Variants in NFATC3 observed in about 807,000 individuals in gnomAD.
NFATC3 encodes the protein nuclear factor of activated T cells 3.
NFATC3 carries 46 observed loss-of-function variants against 98.6 expected under a neutral mutation model. That is an observed-to-expected ratio of 0.47 (90% CI 0.37 to 0.60). The LOEUF (loss-of-function observed/expected upper bound fraction) is 0.60. NFATC3 is among the 20% of genes least tolerant of loss of function. The pLI, the probability that NFATC3 is intolerant of heterozygous loss-of-function variation, is 0.00. For missense variants in NFATC3, 1,256 were observed against 1,295.5 expected (o/e 0.97, Z 0.47); for synonymous variants, 512 against 472.2 (o/e 1.08, Z -1.09).
intron 5 of NFATC3, 119 bp from the exon 6 acceptor site, chr16:68,174,255 G>C: frequency 1.4e-6 from 1 of 730,760 alleles, no homozygotes; most frequent in Non-Finnish European, 2.0e-6. Flanking sequence ...AAGCCTAAAT[G>C]AATCCCAAAA....
rs751600033 is a variant in NFATC3, at chr16:68,122,703, C to T, written c.820C>T (p.Arg274Trp). The T allele has an allele frequency of 6.2e-6, 10 of 1,614,174 alleles. No individual in the cohort carries two copies. The highest frequency in any genetic ancestry group is 2.7e-5 in the African/African-American group (2 of 75,056). Reference sequence around the variant, plus strand: ...AAGGCCCACATCCCCCTGTGGGAAACGGAGGCACTCCAGTGCTGAAGTTTG... The same window carrying T: ...AAGGCCCACATCCCCCTGTGGGAAATGGAGGCACTCCAGTGCTGAAGTTTG... ...SSRPTSPCGKRRHSSAEVCYA... is the reference protein window; with the variant it reads ...SSRPTSPCGKWRHSSAEVCYA... Residue 274 changes from arginine (R) to tryptophan (W), a missense_variant, in exon 2 of 10, where the codon CGG (arginine) becomes TGG (tryptophan). By Grantham distance (101) the Arg-to-Trp change is moderately radical. Coordinates refer to ENST00000346183, the MANE Select transcript of NFATC3 (RefSeq NM_173165.3).
At chr16:68,153,606 C>CATT (rs1299441357) in intron 3 of NFATC3, among the ~76,000 whole-genome samples, 1 of 152,068 alleles carries the variant, frequency 6.6e-6, no homozygotes, top group South Asian at 2.1e-4. Flanking sequence ...GACTTCTTCA[C>CATT]ATTATTATTA....
At chr16:68,213,550 G>A (rs562759638) in intron 9 of NFATC3, among the ~76,000 whole-genome samples, 6 of 152,140 alleles carry the variant, frequency 3.9e-5, no homozygotes, top group African/African-American at 7.2e-5. Context: ...TCCTCCAGGC[G>A]GGCATGGTGG....
chr16:68,164,271 G>T (rs923489550), intron 4 of NFATC3, among the ~76,000 whole-genome samples: 1 of 152,238 alleles, frequency 6.6e-6, no homozygotes. Context: ...GTGTGGCGGC[G>T]TGCGCCTGCA....
At chr16:68,162,423 G>A (rs1184856241) in intron 4 of NFATC3, among the ~76,000 whole-genome samples, 3 of 152,058 alleles carry the variant, frequency 2.0e-5, no homozygotes, top group Non-Finnish European at 4.4e-5. Context: ...AAATTCCCAG[G>A]TGATAGATAA....
chr16:68,180,707 G>A (rs1242932841), intron 6 of NFATC3, among the ~76,000 whole-genome samples: 1 of 151,984 alleles, frequency 6.6e-6, no homozygotes, highest in Admixed American at 6.6e-5. Context: ...TGTGTCTCAA[G>A]TGTGTTCTCA....
chr16:68,187,399 A>G (rs1049853067), intron 8 of NFATC3, among the ~76,000 whole-genome samples: 9 of 152,166 alleles, frequency 5.9e-5, no homozygotes, highest in South Asian at 4.1e-4. Flanking sequence ...CCCTGTTTGT[A>G]TTACAACTCT....
At chr16:68,145,667 G>C (rs547628380) in intron 3 of NFATC3, among the ~76,000 whole-genome samples, 1 of 152,300 alleles carries the variant, frequency 6.6e-6, no homozygotes, top group East Asian at 1.9e-4. Flanking sequence ...GAACTGTAGA[G>C]ATGGACAATA....
chr16:68,136,892 C>G (rs1028837142), intron 3 of NFATC3, among the ~76,000 whole-genome samples: 3 of 152,066 alleles, frequency 2.0e-5, no homozygotes, highest in Non-Finnish European at 4.4e-5. Context: ...CAAAGATTTA[C>G]TTAAGAAAAT....
intron 9 of NFATC3, chr16:68,217,632 C>T (rs1238630026): frequency 6.5e-6 from 8 of 1,229,958 alleles, no homozygotes; most frequent in South Asian, 8.3e-5. Context: ...GACATTTCCA[C>T]ATAGGAAATT....
chr16:68,115,759 A>T (rs902518636), intron 1 of NFATC3, among the ~76,000 whole-genome samples: 3 of 151,180 alleles, frequency 2.0e-5, no homozygotes, highest in African/African-American at 4.9e-5. Flanking sequence ...TTTGTTTTAA[A>T]TTTTTTTTCT....
At chr16:68,162,621 CT>C (rs1451809517) in intron 4 of NFATC3, among the ~76,000 whole-genome samples, 1 of 146,132 alleles carries the variant, frequency 6.8e-6, no homozygotes, top group Non-Finnish European at 1.5e-5. Flanking sequence ...TCTCAATTGG[CT>C]TTATTGGTGA....
intron 5 of NFATC3, among the ~76,000 whole-genome samples, chr16:68,171,268 T>C (rs1279848999): frequency 6.6e-6 from 1 of 151,978 alleles, no homozygotes; most frequent in East Asian, 1.9e-4. Context: ...CTTGGTCTCC[T>C]AAAGTGCTGG....
intron 6 of NFATC3, among the ~76,000 whole-genome samples, chr16:68,177,560 T>C (rs1374058130): frequency 1.3e-5 from 2 of 151,930 alleles, no homozygotes; most frequent in African/African-American, 4.8e-5. Flanking sequence ...CCTTTCTGTT[T>C]CACTGATTTC....
At chr16:68,117,382 ATGCTCCAT>A (rs1792336691) in intron 1 of NFATC3, among the ~76,000 whole-genome samples, 1 of 152,208 alleles carries the variant, frequency 6.6e-6, no homozygotes, top group Non-Finnish European at 1.5e-5. Context: ...TCTGTTTAGA[ATGCTCCAT>A]TGGTTTCCCA....
At chr16:68,212,565 A>G (rs1306673204) in intron 9 of NFATC3, 1 of 152,202 alleles carries the variant, frequency 6.6e-6, no homozygotes, top group Non-Finnish European at 1.5e-5. Context: ...TGAATGCTTT[A>G]GCCAGTACTG....
intron 9 of NFATC3, among the ~76,000 whole-genome samples, chr16:68,222,305 A>C: frequency 7.5e-6 from 1 of 132,930 alleles, no homozygotes; most frequent in African/African-American, 2.8e-5. Flanking sequence ...AAAAAAAAAA[A>C]AAAAAAAAAA....
At chr16:68,111,895 C>T (rs75286242) in intron 1 of NFATC3, among the ~76,000 whole-genome samples, 17,829 of 151,994 alleles carry the variant, frequency 0.12, 1,207 homozygotes, top group South Asian at 0.2. Context: ...TTAATTTGTC[C>T]GGATATGACA....
At chr16:68,099,272 A>C (rs935164492) in intron 1 of NFATC3, among the ~76,000 whole-genome samples, 7 of 152,008 alleles carry the variant, frequency 4.6e-5, no homozygotes, top group Non-Finnish European at 1.0e-4. Flanking sequence ...TGTCTCTACT[A>C]AAAATACAAA....
Sources: gnomAD v4.1 joint callset for allele counts (sites outside exome capture counted in the v4.1 genomes callset) on GRCh38, gnomAD v4.1.1 for gene constraint, MANE v1.5 for transcripts, NCBI Gene and HGNC (gene_info 2026-07-23, HGNC 2026-07-21) for gene names.